Variants in ZBTB46 observed in about 807,000 individuals in gnomAD.
ZBTB46 encodes the protein zinc finger and BTB domain containing 46.
In ZBTB46, 8 loss-of-function variants were observed where a neutral mutation model predicts 44.1. That is an observed-to-expected ratio of 0.18 (90% CI 0.11 to 0.33). The LOEUF is 0.33. ZBTB46 is among the 10% of genes least tolerant of loss of function. The probability of loss-of-function intolerance (pLI) is 1.00; values close to 1 mark genes in which losing one functional copy is unlikely to be tolerated. For synonymous variants in ZBTB46, 409 were observed against 382.3 expected, an observed-to-expected ratio of 1.07 and a Z score of -0.81; for missense variants, 651 against 847.7, an observed-to-expected ratio of 0.77 and a Z score of 2.88.
At chr20:63,755,782 A>G (rs1381294010) in intron 3 of ZBTB46, among the ~76,000 whole-genome samples, 1 of 152,228 alleles carries the variant, frequency 6.6e-6, no homozygotes, top group African/African-American at 2.4e-5. Flanking sequence ...ACGTAGCTTC[A>G]TTCTCATAAA....
chr20:63,766,193 A>G (rs2092318736), intron 3 of ZBTB46, among the ~76,000 whole-genome samples: 2 of 144,456 alleles, frequency 1.4e-5, no homozygotes, highest in South Asian at 2.3e-4. Flanking sequence ...CAGGCCCAAC[A>G]GCTGAGAGAT....
chr20:63,769,193 T>C (rs2145833615), intron 3 of ZBTB46: 2 of 985,366 alleles, frequency 2.0e-6, no homozygotes, highest in Non-Finnish European at 2.4e-6. Flanking sequence ...AGGGACACCA[T>C]GCCCCAAGTG....
intron 1 of ZBTB46, among the ~76,000 whole-genome samples, chr20:63,791,464 C>A (rs1289412337): frequency 6.9e-6 from 1 of 145,930 alleles, no homozygotes; most frequent in African/African-American, 2.6e-5. Flanking sequence ...CCAGTGCACT[C>A]CAGCCTGGGC....
rs2092183887 is a variant in ZBTB46, at chr20:63,752,929, C to T, written c.1223-68G>A. The T allele has an allele frequency of 6.7e-7, 1 of 1,498,696 alleles. No homozygotes were observed. Among genetic ancestry groups the T allele is most frequent in the Non-Finnish European group, 8.9e-7 (1 of 1,118,196 alleles). 92.8% of individuals were successfully genotyped at this position (1,498,696 alleles called of 1,614,324 possible). ...GTACCGCCCTGCGGCCCACAGACCA[C>T]GGCTGCACGCCGCAGCCCAGCAGCC... On this transcript the variant is annotated intron_variant, in intron 3 of 4. Coordinates refer to ENST00000245663, the MANE Select transcript of ZBTB46 (RefSeq NM_001369741.1). The surrounding 1 kb of genome is among the most constrained non-coding windows in gnomAD (Gnocchi z 5.6).
At position 63,744,244 on chromosome 20, in the gene ZBTB46, G is replaced by A. The variant is rs2145728504; in HGVS notation, c.*2686C>T. ...TTTTGCATTTTCTCAGTTTTTTAAA[G>A]AGGAAGATGTGCAAAGTTGGAAGCA... On this transcript the variant is annotated 3_prime_UTR_variant, in exon 5 of 5. Transcript: ENST00000245663. 6.6e-6 allele frequency: 1 copy of A among 152,246 alleles called. No individual in the cohort carries two copies. The highest frequency in any genetic ancestry group is 1.5e-5 in the Non-Finnish European group (1 of 68,030). The allele number at this position is 152,246 out of a possible 1,614,324, so 9.4% of individuals were successfully genotyped here.
intron 3 of ZBTB46, among the ~76,000 whole-genome samples, chr20:63,770,478 T>C (rs2092359762): frequency 6.6e-6 from 1 of 152,188 alleles, no homozygotes; most frequent in South Asian, 2.1e-4. Flanking sequence ...GTAATGAAAC[T>C]GCCATCTGTT....
In ZBTB46 at chr20:63,745,914, G is replaced by A. The variant is rs1345791133; in HGVS notation, c.*1016C>T. 6.6e-6 allele frequency: 1 copy of A among 152,628 alleles called. No homozygotes were observed. Among genetic ancestry groups the A allele is most frequent in the African/African-American group, 2.4e-5 (1 of 41,470 alleles). The allele number at this position is 152,628 out of a possible 1,614,324, so 9.5% of individuals were successfully genotyped here. A position where few individuals can be genotyped will look rare whatever the true frequency, so the allele number is the denominator to read the frequency against. ...AAACAACCCTATATAGTTTCTTCGA[G>A]TGAGAAAAATAATGCCAAACAAAAT... is the stretch of plus-strand genomic sequence containing the variant. On this transcript the variant is annotated 3_prime_UTR_variant, in exon 5 of 5. Transcript: ENST00000245663.
chr20:63,786,972 C>A (rs1282870315), intron 2 of ZBTB46, among the ~76,000 whole-genome samples: 1 of 152,118 alleles, frequency 6.6e-6, no homozygotes, highest in African/African-American at 2.4e-5. Flanking sequence ...ACTGAACATC[C>A]AGGGTCTGGC....
In ZBTB46 at chr20:63,803,432, C is replaced by T. The variant is rs371294703; in HGVS notation, c.-33-12642G>A. 404 of 985,394 alleles carry T rather than the reference C, an allele frequency of 4.1e-4. No individual in the cohort carries two copies. The highest frequency in any genetic ancestry group is 4.7e-4 in the Non-Finnish European group (387 of 829,922). The allele number at this position is 985,394 out of a possible 1,614,324, so 61.0% of individuals were successfully genotyped here. The stretch of plus-strand genomic sequence containing the variant: ...CAGAGTCGTCTTTCGACAGCGAGAC[C>T]GGTGGTACTATCCACATCATCTCCA... On this transcript the variant is annotated intron_variant, in intron 1 of 4. Transcript: ENST00000245663. This position sits in a 1 kb window ranked among gnomAD's most constrained non-coding sequence, Gnocchi z 4.0.
intron 3 of ZBTB46, among the ~76,000 whole-genome samples, chr20:63,775,008 G>GT (rs1414401518): frequency 1.3e-5 from 2 of 152,038 alleles, no homozygotes; most frequent in African/African-American, 2.4e-5. Flanking sequence ...CGGCCCCTTT[G>GT]TTTTTTTAAA....
At chr20:63,823,973 A>G (rs1278706564) in intron 1 of ZBTB46, among the ~76,000 whole-genome samples, 2 of 152,004 alleles carry the variant, frequency 1.3e-5, no homozygotes. Context: ...GTAAACGACC[A>G]GATTACACTT....
At chr20:63,771,165 G>A (rs954149290) in intron 3 of ZBTB46, among the ~76,000 whole-genome samples, 1 of 152,166 alleles carries the variant, frequency 6.6e-6, no homozygotes, top group African/African-American at 2.4e-5. Context: ...GGGGACCCTC[G>A]CCCAGCCGAG....
chr20:63,783,467 G>T (rs896056005), intron 2 of ZBTB46, among the ~76,000 whole-genome samples: 4 of 152,146 alleles, frequency 2.6e-5, no homozygotes, highest in African/African-American at 9.7e-5. Flanking sequence ...GTCCAGTGCC[G>T]AGTGCAGAAT....
chr20:63,798,005 A>G (rs1219088246), intron 1 of ZBTB46, among the ~76,000 whole-genome samples: 7 of 152,148 alleles, frequency 4.6e-5, no homozygotes. Flanking sequence ...CTTTAATTAG[A>G]TCCCATTCAT....
chr20:63,782,341 G>C (rs1404511395), intron 2 of ZBTB46, among the ~76,000 whole-genome samples: 2 of 152,166 alleles, frequency 1.3e-5, no homozygotes, highest in Non-Finnish European at 2.9e-5. Flanking sequence ...GGAGGCAGGA[G>C]GGTGACAGAA....
chr20:63,769,653 G>A (rs1353714500), intron 3 of ZBTB46, among the ~76,000 whole-genome samples: 1 of 152,174 alleles, frequency 6.6e-6, no homozygotes, highest in Non-Finnish European at 1.5e-5. Context: ...GGAAGTCGGA[G>A]CGTGAACACC....
rs188705730 is a variant in ZBTB46 at position 63,803,932 on chromosome 20, T to C, written c.-33-13142A>G. On this transcript the variant is annotated intron_variant, in intron 1 of 4. Coordinates refer to ENST00000245663, the MANE Select transcript of ZBTB46 (RefSeq NM_001369741.1). The surrounding 1 kb of genome is among the most constrained non-coding windows in gnomAD (Gnocchi z 4.0). Reference sequence around the variant, plus strand: ...GTTGCCCAGGTTGGTCTTGAATTCCTAAACGAACCTGCCGCCCTGGCTTCT... The same window carrying C: ...GTTGCCCAGGTTGGTCTTGAATTCCCAAACGAACCTGCCGCCCTGGCTTCT... 4.0e-3 allele frequency among the ~76,000 whole-genome samples: 602 copies of C among 152,326 alleles called. 3 individuals are homozygous for C. The highest frequency in any genetic ancestry group is 7.1e-3 in the Non-Finnish European group (482 of 68,020).
intron 2 of ZBTB46, among the ~76,000 whole-genome samples, chr20:63,780,170 C>G (rs1023517459): frequency 1.3e-5 from 2 of 151,680 alleles, no homozygotes; most frequent in Admixed American, 1.3e-4. Context: ...ACTCGGCAAG[C>G]TGAGGCAGGA....
chr20:63,745,805 C>G lies in ZBTB46; in HGVS notation c.*1125G>C, dbSNP rs41278200. 0.034 allele frequency: 5,235 copies of G among 152,416 alleles called. 124 individuals are homozygous for G. The highest frequency in any genetic ancestry group is 0.053 in the Non-Finnish European group (3,617 of 68,024). 9.4% of individuals were successfully genotyped at this position (152,416 alleles called of 1,614,324 possible). On this transcript the variant is annotated 3_prime_UTR_variant, in exon 5 of 5. Coordinates refer to ENST00000245663, the MANE Select transcript of ZBTB46 (RefSeq NM_001369741.1). ...GTGCACCACAGCACACACCGTGGGA[C>G]CTTTGCTTTTCACTCAGGAAAAGAA...
Sources: allele counts gnomAD v4.1 joint callset (sites outside exome capture counted in the v4.1 genomes callset), GRCh38; gene constraint gnomAD v4.1.1; non-coding constraint Gnocchi (gnomAD v3.1); transcripts MANE v1.5; gene names NCBI Gene and HGNC (gene_info 2026-07-23, HGNC 2026-07-21).